The following SMARCA2 variants were observed in gnomAD, a reference collection of about 807,000 sequenced individuals.
SMARCA2 encodes SWI/SNF related BAF chromatin remodeling complex subunit ATPase 2.
SMARCA2 carries 61 observed loss-of-function variants against 199.8 expected under a neutral mutation model. The ratio of observed to expected loss-of-function variants is 0.31; its 90% CI spans 0.25 to 0.38. SMARCA2 has a LOEUF of 0.38. Ranked by LOEUF, SMARCA2 falls within the 10% of genes least tolerant of loss-of-function variation. SMARCA2 has a pLI of 1.00. For synonymous variants in SMARCA2, 935 were observed against 732.0 expected, an observed-to-expected ratio of 1.28 and a Z score of -4.48; for missense variants, 1,344 against 2,012.2, an observed-to-expected ratio of 0.67 and a Z score of 6.35.
At chr9:2,125,531 T>C (rs78391008) in intron 27 of SMARCA2, among the ~76,000 whole-genome samples, 9,816 of 147,620 alleles carry the variant, frequency 0.066, 1,118 homozygotes, top group African/African-American at 0.24. Flanking sequence ...TCTCTGTCAC[T>C]GAGGCTATAG....
intron 27 of SMARCA2, among the ~76,000 whole-genome samples, chr9:2,147,530 TATA>T (rs1824825296): frequency 6.6e-6 from 1 of 152,152 alleles, no homozygotes; most frequent in South Asian, 2.1e-4. Flanking sequence ...AAATAACACC[TATA>T]ATGTTTCACT....
At chr9:2,190,221 T>C (rs879300420) in intron 32 of SMARCA2, among the ~76,000 whole-genome samples, 11 of 152,200 alleles carry the variant, frequency 7.2e-5, no homozygotes, top group Non-Finnish European at 1.6e-4. Flanking sequence ...GTGCAGTCTT[T>C]CTGAAGGCTA....
chr9:2,160,053 T>C, intron 27 of SMARCA2: 1 of 1,011,824 alleles, frequency 9.9e-7, no homozygotes, highest in East Asian at 2.6e-5. Flanking sequence ...CCATTAACTG[T>C]TGACAGCCTT....
intron 1 of SMARCA2, among the ~76,000 whole-genome samples, chr9:2,025,080 AG>A (rs1293576352): frequency 1.6e-5 from 2 of 128,780 alleles, no homozygotes. Context: ...CTTTCAGCTA[AG>A]GGCAGAGGAG....
intron 27 of SMARCA2, among the ~76,000 whole-genome samples, chr9:2,138,720 C>T (rs1220672727): frequency 6.6e-6 from 1 of 152,112 alleles, no homozygotes; most frequent in Non-Finnish European, 1.5e-5. Context: ...CTTCAGTTTC[C>T]CTGTCTCTAC....
intron 23 of SMARCA2, among the ~76,000 whole-genome samples, chr9:2,106,396 C>G (rs770578670): frequency 6.6e-6 from 1 of 152,214 alleles, no homozygotes; most frequent in Non-Finnish European, 1.5e-5. Flanking sequence ...GAACTATTCA[C>G]TGTTGCTGCT....
intron 27 of SMARCA2, among the ~76,000 whole-genome samples, chr9:2,141,296 T>C (rs1311992759): frequency 1.3e-5 from 2 of 152,242 alleles, no homozygotes; most frequent in African/African-American, 4.8e-5. Flanking sequence ...TAGGTATTAT[T>C]TCTCCCATTC....
At chr9:2,187,415 T>C (rs954891871) in intron 32 of SMARCA2, among the ~76,000 whole-genome samples, 3 of 152,138 alleles carry the variant, frequency 2.0e-5, no homozygotes, top group African/African-American at 7.2e-5. Flanking sequence ...CTCACAAATA[T>C]AATCCGAGCA....
At position 2,147,772 on chromosome 9, in the gene SMARCA2, C is replaced by T. The variant is rs548474964; in HGVS notation, c.3982-13914C>T. Among the ~76,000 whole-genome samples, 144 of 151,430 alleles carry T rather than the reference C, an allele frequency of 9.5e-4. 1 individual carries two copies. Among genetic ancestry groups the T allele is most frequent in the Middle Eastern group, 3.4e-3 (1 of 292 alleles). ...TGAGGCAGGGAAAATTGCTTGAACC[C>T]GGGAGGCAGAGGTTGCAGTGAGCTG... On this transcript the variant is annotated intron_variant, in intron 27 of 33. Transcript: ENST00000349721.
At chr9:2,075,782 C>A (rs560167070) in intron 12 of SMARCA2, among the ~76,000 whole-genome samples, 6 of 152,120 alleles carry the variant, frequency 3.9e-5, no homozygotes, top group Non-Finnish European at 7.4e-5. Context: ...CTCAGCCCCC[C>A]GAGTAGCTGG....
chr9:2,167,542 A>G (rs1825996906), intron 28 of SMARCA2, among the ~76,000 whole-genome samples: 1 of 152,184 alleles, frequency 6.6e-6, no homozygotes, highest in Non-Finnish European at 1.5e-5. Context: ...CAATTGGTGA[A>G]CACAGCTCCG....
Position 2,110,140 on chromosome 9 carries a change from C to T in SMARCA2, c.3293-114C>T, listed in dbSNP as rs548423219. ...TACAAAGCCCTGGAAATTACCTCAC[C>T]AGTGTTAGGAGGAGTCTGGGTATAT... On this transcript the variant is annotated intron_variant, in intron 23 of 33. Transcript: ENST00000349721. This position sits in a 1 kb window ranked among gnomAD's most constrained non-coding sequence, Gnocchi z 4.8. 97 of 660,418 alleles carry T rather than the reference C, an allele frequency of 1.5e-4. No homozygotes were observed. The highest frequency in any genetic ancestry group is 1.1e-3 in the African/African-American group (60 of 54,086). The allele number at this position is 660,418 out of a possible 1,614,324, so 40.9% of individuals were successfully genotyped here.
In SMARCA2 at chr9:2,104,835, A is replaced by G. The variant is rs1050042990; in HGVS notation, c.3292+666A>G. On this transcript the variant is annotated intron_variant, in intron 23 of 33. Coordinates refer to ENST00000349721, the MANE Select transcript of SMARCA2 (RefSeq NM_003070.5). The surrounding 1 kb of genome is among the most constrained non-coding windows in gnomAD (Gnocchi z 4.0). ...ATTTTACGATTTGGATATCAGCCAT[A>G]ATATATTAGAGGTTGAAAGTATCAG... 2.6e-5 allele frequency among the ~76,000 whole-genome samples: 4 copies of G among 152,202 alleles called. No homozygotes were observed. Among genetic ancestry groups the G allele is most frequent in the Non-Finnish European group, 5.9e-5 (4 of 68,034 alleles).
chr9:2,118,420 C>T (rs1017756042), intron 25 of SMARCA2, among the ~76,000 whole-genome samples: 5 of 152,194 alleles, frequency 3.3e-5, no homozygotes, highest in East Asian at 3.9e-4. Context: ...TCTTGGGAGC[C>T]GACACAGTCA....
chr9:2,099,365 G>A (rs1199059756), intron 21 of SMARCA2, among the ~76,000 whole-genome samples: 1 of 152,042 alleles, frequency 6.6e-6, no homozygotes, highest in African/African-American at 2.4e-5. Context: ...GGGCCTTTGG[G>A]GACTTAGGAA....
intron 28 of SMARCA2, among the ~76,000 whole-genome samples, chr9:2,165,030 T>C (rs563152223): frequency 6.6e-6 from 1 of 152,346 alleles, no homozygotes; most frequent in East Asian, 1.9e-4. Context: ...TACAGTATCA[T>C]ATTTTTGGTT....
intron 24 of SMARCA2, among the ~76,000 whole-genome samples, chr9:2,114,806 A>T (rs888483870): frequency 1.3e-5 from 2 of 152,218 alleles, no homozygotes; most frequent in African/African-American, 4.8e-5. Context: ...AATAACACCT[A>T]TAATCTTATC....
chr9:2,018,823 G>T (rs1292458982), intron 1 of SMARCA2, among the ~76,000 whole-genome samples: 1 of 152,192 alleles, frequency 6.6e-6, no homozygotes, highest in Non-Finnish European at 1.5e-5. Flanking sequence ...ATTTTCAGTA[G>T]TATTTTCCAT....
At chr9:2,136,128 T>C (rs1394493307) in intron 27 of SMARCA2, among the ~76,000 whole-genome samples, 1 of 151,366 alleles carries the variant, frequency 6.6e-6, no homozygotes, top group Admixed American at 6.6e-5. Context: ...GCATGAGCCA[T>C]CGTGCCTGGC....
Sources: allele counts gnomAD v4.1 joint callset (sites outside exome capture counted in the v4.1 genomes callset), GRCh38; gene constraint gnomAD v4.1.1; non-coding constraint Gnocchi (gnomAD v3.1); transcripts MANE v1.5; gene names NCBI Gene and HGNC (gene_info 2026-07-23, HGNC 2026-07-21).